Variants in KHDRBS2 observed in about 807,000 individuals in gnomAD.
KHDRBS2 encodes the protein KH RNA binding domain containing, signal transduction associated 2.
Under a neutral mutation model 44.3 loss-of-function variants are expected in KHDRBS2, and 26 were observed. That is an observed-to-expected ratio of 0.59 (90% CI 0.43 to 0.81). The LOEUF (loss-of-function observed/expected upper bound fraction) is 0.81, where lower values mean the gene tolerates loss of function less well. Among genes scored for constraint, KHDRBS2 ranks in the 40% least tolerant of loss-of-function variants. The pLI is 0.00. For missense variants in KHDRBS2, 476 were observed against 433.1 expected, an observed-to-expected ratio of 1.10 and a Z score of -0.88; for synonymous variants, 194 against 151.1, an observed-to-expected ratio of 1.28 and a Z score of -2.08.
intron 1 of KHDRBS2, among the ~76,000 whole-genome samples, chr6:62,202,812 C>CA (rs1415070468): frequency 6.6e-6 from 1 of 152,058 alleles, no homozygotes; most frequent in Non-Finnish European, 1.5e-5. Context: ...CAATCTCAAG[C>CA]AAGGGATCCC....
At chr6:61,744,788 C>T (rs1353514026) in intron 6 of KHDRBS2, among the ~76,000 whole-genome samples, 1 of 152,006 alleles carries the variant, frequency 6.6e-6, no homozygotes, top group Non-Finnish European at 1.5e-5. Flanking sequence ...GGAGTACAAG[C>T]CAGTAATCTT....
At chr6:61,851,942 C>A (rs750844662) in intron 6 of KHDRBS2, among the ~76,000 whole-genome samples, 14 of 152,256 alleles carry the variant, frequency 9.2e-5, no homozygotes, top group Non-Finnish European at 1.9e-4. Context: ...GTAAACCAGG[C>A]TGGGTGCAGT....
rs9345855 is a variant in KHDRBS2 at position 61,979,818 on chromosome 6, T to G, written c.337-1606A>C. 2.6e-5 allele frequency among the ~76,000 whole-genome samples: 4 copies of G among 152,236 alleles called. No individual in the cohort carries two copies. The East Asian group carries it at 7.7e-4, about 29-fold the overall frequency. On this transcript the variant is annotated intron_variant, in intron 3 of 8. Transcript: ENST00000281156. ...TGGGTCCTGCTAAGGTGCAAGCTGCTTGTTTATTCTGGGGCCAGCTGGTTT... is the reference window on the plus strand; with the variant it reads ...TGGGTCCTGCTAAGGTGCAAGCTGCGTGTTTATTCTGGGGCCAGCTGGTTT...
chr6:61,736,599 G>C (rs1310682997), intron 6 of KHDRBS2, among the ~76,000 whole-genome samples: 1 of 151,994 alleles, frequency 6.6e-6, no homozygotes, highest in Non-Finnish European at 1.5e-5. Context: ...TAATTTGTTT[G>C]TTTTGTTTCA....
the KHDRBS2 span, among the ~76,000 whole-genome samples, chr6:61,548,896 A>C: frequency 6.6e-6 from 1 of 152,104 alleles, no homozygotes; most frequent in Non-Finnish European, 1.5e-5. Context: ...GGCTGCGTGC[A>C]TCTCTTTCCA....
intron 1 of KHDRBS2, among the ~76,000 whole-genome samples, chr6:62,276,862 C>T (rs1841015096): frequency 6.6e-6 from 1 of 152,156 alleles, no homozygotes; most frequent in Non-Finnish European, 1.5e-5. Flanking sequence ...CACGTGGCAT[C>T]TAGGTGAAAA....
At chr6:61,973,089 A>C (rs1192437) in intron 4 of KHDRBS2, among the ~76,000 whole-genome samples, 1 of 152,052 alleles carries the variant, frequency 6.6e-6, no homozygotes, top group Non-Finnish European at 1.5e-5. Flanking sequence ...AGCTGAGATC[A>C]CACCACTGCA....
At chr6:62,036,142 CAG>C (rs1785237627) in intron 3 of KHDRBS2, among the ~76,000 whole-genome samples, 1 of 151,858 alleles carries the variant, frequency 6.6e-6, no homozygotes, top group South Asian at 2.1e-4. Context: ...TCACTATTTG[CAG>C]AGAGCTGTCA....
At chr6:62,216,519 C>A (rs1829997682) in intron 1 of KHDRBS2, among the ~76,000 whole-genome samples, 1 of 151,464 alleles carries the variant, frequency 6.6e-6, no homozygotes, top group Non-Finnish European at 1.5e-5. Flanking sequence ...CAAAATAAGA[C>A]ATCATCAGTA....
chr6:61,627,674 C>T, the KHDRBS2 span, among the ~76,000 whole-genome samples: 1 of 152,182 alleles, frequency 6.6e-6, no homozygotes, highest in African/African-American at 2.4e-5. Context: ...GTTGGTGATA[C>T]ACATTGATGT....
chr6:61,704,928 A>T (rs1287446216), intron 7 of KHDRBS2, among the ~76,000 whole-genome samples: 1 of 151,912 alleles, frequency 6.6e-6, no homozygotes, highest in Admixed American at 6.6e-5. Flanking sequence ...TGACATATTA[A>T]GATAAATGAT....
At chr6:62,036,124 C>T (rs888250434) in intron 3 of KHDRBS2, among the ~76,000 whole-genome samples, 4 of 151,928 alleles carry the variant, frequency 2.6e-5, no homozygotes. Context: ...AGTTTCTCTG[C>T]TTGTACCTCA....
chr6:62,193,198 A>G (rs992005402), intron 1 of KHDRBS2, among the ~76,000 whole-genome samples: 1 of 152,042 alleles, frequency 6.6e-6, no homozygotes, highest in Non-Finnish European at 1.5e-5. Flanking sequence ...ATATTTATAT[A>G]TGTTTTCCAG....
At chr6:61,965,349 G>A (rs1769682153) in intron 4 of KHDRBS2, among the ~76,000 whole-genome samples, 1 of 152,040 alleles carries the variant, frequency 6.6e-6, no homozygotes, top group African/African-American at 2.4e-5. Flanking sequence ...CGCTAGGACT[G>A]GGAAGGAGAC....
chr6:61,649,385 A>G, the KHDRBS2 span, among the ~76,000 whole-genome samples: 1 of 152,214 alleles, frequency 6.6e-6, no homozygotes, highest in African/African-American at 2.4e-5. Flanking sequence ...ATGCATGTGT[A>G]AACATTTGAT....
intron 1 of KHDRBS2, among the ~76,000 whole-genome samples, chr6:62,242,405 G>A (rs1032228656): frequency 6.6e-6 from 1 of 152,082 alleles, no homozygotes; most frequent in Non-Finnish European, 1.5e-5. Flanking sequence ...AATTTTTGTT[G>A]TGGTGGTTAC....
chr6:61,722,796 G>T (rs1007925945), intron 7 of KHDRBS2, among the ~76,000 whole-genome samples: 1 of 151,398 alleles, frequency 6.6e-6, no homozygotes, highest in African/African-American at 2.4e-5. Flanking sequence ...TCTAAGCTCC[G>T]CCTCCCGGGT....
At chr6:62,179,400 C>T (rs1046491803) in intron 1 of KHDRBS2, among the ~76,000 whole-genome samples, 4 of 151,728 alleles carry the variant, frequency 2.6e-5, no homozygotes, top group African/African-American at 9.7e-5. Flanking sequence ...CTTTAACTAA[C>T]TGACTTGTTA....
chr6:61,636,309 C>T, the KHDRBS2 span, among the ~76,000 whole-genome samples: 1 of 151,980 alleles, frequency 6.6e-6, no homozygotes, highest in Non-Finnish European at 1.5e-5. Flanking sequence ...TACTAATCAC[C>T]TCTAAAACAT....
Sources: gnomAD v4.1 joint callset for allele counts (sites outside exome capture counted in the v4.1 genomes callset) on GRCh38, gnomAD v4.1.1 for gene constraint, MANE v1.5 for transcripts, NCBI Gene and HGNC (gene_info 2026-07-23, HGNC 2026-07-21) for gene names.